The following NT5DC3 variants were observed in gnomAD, a reference collection of about 807,000 sequenced individuals.
NT5DC3 encodes 5'-nucleotidase domain containing 3.
Under a neutral mutation model 67.8 loss-of-function variants are expected in NT5DC3, and 42 were observed. The ratio of observed to expected loss-of-function variants is 0.62; its 90% CI spans 0.48 to 0.80. The LOEUF is 0.80. Ranked by LOEUF, NT5DC3 falls within the 30% of genes least tolerant of loss-of-function variation. The pLI is 0.00. For synonymous variants in NT5DC3, 237 were observed against 255.6 expected, an observed-to-expected ratio of 0.93 and a Z score of 0.69; for missense variants, 570 against 696.4, an observed-to-expected ratio of 0.82 and a Z score of 2.04.
At chr12:103,832,078 C>T (rs768076265) in intron 1 of NT5DC3, among the ~76,000 whole-genome samples, 1 of 152,034 alleles carries the variant, frequency 6.6e-6, no homozygotes, top group Non-Finnish European at 1.5e-5. Context: ...CGCCTGGCCT[C>T]GGCTTCCTCT....
rs765427354 is a variant in NT5DC3 at position 103,793,531 on chromosome 12, T to C, written c.815-19A>G. 2.6e-6 allele frequency: 4 copies of C among 1,552,844 alleles called. No homozygotes were observed. The South Asian group carries it at 4.5e-5, about 17-fold the overall frequency. ...TACTTTTCTAAGAGCAAGAGAAAAA[T>C]TCACACACAGATTCAGCATGATATT... is the stretch of plus-strand genomic sequence containing the variant. On this transcript the variant is annotated intron_variant, in intron 7 of 13. Coordinates refer to ENST00000392876, the MANE Select transcript of NT5DC3 (RefSeq NM_001031701.3).
chr12:103,751,363 C>A, the NT5DC3 span, among the ~76,000 whole-genome samples: 1 of 152,086 alleles, frequency 6.6e-6, no homozygotes, highest in African/African-American at 2.4e-5. Context: ...CCCCTAGTGG[C>A]AGGGTCTGTA....
At chr12:103,755,156 C>T in the NT5DC3 span, 1 of 1,107,322 alleles carries the variant, frequency 9.0e-7, no homozygotes, top group South Asian at 1.4e-5. Flanking sequence ...CTAATGACCA[C>T]CTACTGTGTG....
intron 2 of NT5DC3, among the ~76,000 whole-genome samples, chr12:103,813,529 G>A (rs552400362): frequency 6.6e-6 from 1 of 152,310 alleles, no homozygotes; most frequent in South Asian, 2.1e-4. Context: ...AAGAGCTGAG[G>A]GGGATCAGAA....
chr12:103,766,140 G>A, downstream of NT5DC3: 1 of 1,105,616 alleles, frequency 9.0e-7, no homozygotes, highest in Non-Finnish European at 1.4e-6. Context: ...CCCAACACAA[G>A]GCAGCAGCAC....
At chr12:103,768,574 AGGGGGAGGGG>A (rs1566092063), downstream of NT5DC3, among the ~76,000 whole-genome samples, 1 of 188 alleles carries the variant, frequency 5.3e-3, no homozygotes, top group Non-Finnish European at 0.013. Flanking sequence ...AGAGAGAGGG[AGGGGGAGGGG>A]GAGGGAGGGA....
At chr12:103,762,134 C>A in the NT5DC3 span, 5 of 1,129,380 alleles carry the variant, frequency 4.4e-6, no homozygotes, top group Admixed American at 9.7e-5. Flanking sequence ...TAGACCCTGG[C>A]AGTAATAAGG....
chr12:103,824,051 C>T (rs1217772161), intron 1 of NT5DC3, among the ~76,000 whole-genome samples: 1 of 152,200 alleles, frequency 6.6e-6, no homozygotes, highest in South Asian at 2.1e-4. Context: ...ACAAGCTGAT[C>T]ATAATGCAAT....
intron 1 of NT5DC3, among the ~76,000 whole-genome samples, chr12:103,827,720 A>G (rs1263401912): frequency 6.6e-6 from 1 of 152,236 alleles, no homozygotes; most frequent in African/African-American, 2.4e-5. Context: ...AAAATTTCCT[A>G]TAAAACCCAG....
At chr12:103,814,823 T>G in intron 2 of NT5DC3, 114 bp downstream of exon 2, 1 of 693,586 alleles carries the variant, frequency 1.4e-6, no homozygotes, top group Non-Finnish European at 2.3e-6. Flanking sequence ...ACTTATTCAT[T>G]TAGCAACAAT....
At chr12:103,809,795 A>G (rs944996412) in intron 2 of NT5DC3, among the ~76,000 whole-genome samples, 16 of 152,180 alleles carry the variant, frequency 1.1e-4, no homozygotes, top group Non-Finnish European at 1.3e-4. Flanking sequence ...CAGCCAAACC[A>G]TATCAATGAT....
intron 2 of NT5DC3, among the ~76,000 whole-genome samples, chr12:103,811,292 G>T (rs59991655): frequency 2.0e-5 from 3 of 151,546 alleles, no homozygotes; most frequent in Non-Finnish European, 2.9e-5. Context: ...GGGCGGGGGC[G>T]GGGAAGCAAG....
chr12:103,791,386 C>A (rs74625467), intron 9 of NT5DC3, among the ~76,000 whole-genome samples: 14,307 of 152,162 alleles, frequency 0.094, 926 homozygotes, highest in East Asian at 0.27. Flanking sequence ...CAACCTCCCC[C>A]ACTTCTTCCT....
In NT5DC3 at chr12:103,797,034, G is replaced by A. The variant is rs1190365074; in HGVS notation, c.616-3C>T. On this transcript the variant is annotated splice_region_variant and splice_polypyrimidine_tract_variant and intron_variant, in intron 5 of 13. Transcript: ENST00000392876. ...TTCATCGTGTTTCCATGAGAGCTCT[G>A]CAGACAGGGTGGAAGGAATGCTTTA... The A allele has an allele frequency of 1.2e-6, 2 of 1,614,084 alleles. No individual in the cohort carries two copies. The highest frequency in any genetic ancestry group is 2.2e-5 in the East Asian group (1 of 44,878).
At chr12:103,806,731 G>C (rs1886815927) in intron 3 of NT5DC3, 124 bp downstream of exon 3, 2 of 633,856 alleles carry the variant, frequency 3.2e-6, no homozygotes. Flanking sequence ...GAATAAATTT[G>C]GTTCTGCAGT....
chr12:103,751,614 G>A, the NT5DC3 span, among the ~76,000 whole-genome samples: 1 of 152,136 alleles, frequency 6.6e-6, no homozygotes. Context: ...TTAGCATGGG[G>A]ATAAAAATGC....
rs1460411932 is a variant in NT5DC3, at chr12:103,793,392, A to C, written c.917+18T>G. ...AGGAGTGTGCCAGAAGCTAGCAATGAAACACAGAGCAACTTACACAAAGCT... is the reference window on the plus strand; with the variant it reads ...AGGAGTGTGCCAGAAGCTAGCAATGCAACACAGAGCAACTTACACAAAGCT... On this transcript the variant is annotated intron_variant, in intron 8 of 13. Coordinates refer to ENST00000392876, the MANE Select transcript of NT5DC3 (RefSeq NM_001031701.3). The C allele has an allele frequency of 6.2e-7, 1 of 1,602,932 alleles. No individual in the cohort carries two copies. The highest frequency in any genetic ancestry group is 8.5e-7 in the Non-Finnish European group (1 of 1,169,886).
chr12:103,788,957 G>A (rs560707918), intron 9 of NT5DC3, 38 bp from the exon 10 acceptor site: 30 of 1,299,348 alleles, frequency 2.3e-5, no homozygotes, highest in Admixed American at 1.8e-4. Context: ...ACATGGAGTA[G>A]TACAGGCTGT....
chr12:103,796,864 A>G, intron 6 of NT5DC3, 30 bp downstream of exon 6: 1 of 1,613,046 alleles, frequency 6.2e-7, no homozygotes, highest in Non-Finnish European at 8.5e-7. Flanking sequence ...AAACAGACTC[A>G]GCACTGTAAT....
Sources: allele counts gnomAD v4.1 joint callset (sites outside exome capture counted in the v4.1 genomes callset), GRCh38; gene constraint gnomAD v4.1.1; transcripts MANE v1.5; gene names NCBI Gene and HGNC (gene_info 2026-07-23, HGNC 2026-07-21).